The following AGBL1 variants were observed in gnomAD, a reference collection of about 807,000 sequenced individuals.
AGBL1 encodes the protein cytosolic carboxypeptidase 4.
In AGBL1, 130 loss-of-function variants were observed where a neutral mutation model predicts 118.9. The ratio of observed to expected loss-of-function variants is 1.09; its 90% confidence interval spans 0.95 to 1.26. The LOEUF is 1.26. AGBL1 is among the 50% of genes most tolerant of loss of function. AGBL1 has a pLI of 0.00. For synonymous variants in AGBL1, 555 were observed against 478.9 expected (o/e 1.16, Z -2.08); for missense variants, 1,584 against 1,298.1 (o/e 1.22, Z -3.38).
At chr15:86,817,660 C>T (rs2078884261) in intron 22 of AGBL1, among the ~76,000 whole-genome samples, 2 of 151,674 alleles carry the variant, frequency 1.3e-5, no homozygotes, top group Admixed American at 6.6e-5. Context: ...CACACACACA[C>T]ACACACAGAA....
chr15:86,670,312 T>C (rs934714115), intron 21 of AGBL1, among the ~76,000 whole-genome samples: 24 of 151,806 alleles, frequency 1.6e-4, no homozygotes, highest in Non-Finnish European at 2.6e-4. Context: ...TATTATAAGT[T>C]TAAAATAAAG....
At chr15:86,958,333 C>T (rs1479635208) in intron 23 of AGBL1, among the ~76,000 whole-genome samples, 1 of 151,970 alleles carries the variant, frequency 6.6e-6, no homozygotes, top group Non-Finnish European at 1.5e-5. Context: ...ATCGAAATGT[C>T]TCCAGACATT....
At chr15:86,982,154 A>G (rs1425763132) in intron 23 of AGBL1, among the ~76,000 whole-genome samples, 1 of 152,186 alleles carries the variant, frequency 6.6e-6, no homozygotes, top group African/African-American at 2.4e-5. Context: ...GCCCTCAGAA[A>G]GAGTTTCTTA....
intron 22 of AGBL1, among the ~76,000 whole-genome samples, chr15:86,775,987 G>C (rs17642276): frequency 1.4e-4 from 21 of 152,054 alleles, no homozygotes; most frequent in African/African-American, 4.1e-4. Context: ...TTTGCTAGAC[G>C]TAAGTGGGTC....
intron 16 of AGBL1, among the ~76,000 whole-genome samples, chr15:86,290,738 G>A (rs1218087006): frequency 6.6e-6 from 1 of 151,646 alleles, no homozygotes; most frequent in Non-Finnish European, 1.5e-5. Flanking sequence ...CGTGCACAGT[G>A]TGCAGGTTAG....
chr15:86,674,539 GA>G, intron 22 of AGBL1, 103 bp downstream of exon 22: 2 of 1,169,420 alleles, frequency 1.7e-6, no homozygotes, highest in Non-Finnish European at 1.2e-6. Context: ...TTTACACAGA[GA>G]AAATATGGAA....
rs775383913 is a variant in AGBL1 at position 86,914,915 on chromosome 15, C to G, written c.*7621C>G. The G allele has an allele frequency of 6.6e-6, 1 of 152,190 alleles. No homozygotes were observed. The highest frequency in any genetic ancestry group is 6.5e-5 in the Admixed American group (1 of 15,280). The allele number at this position is 152,190 out of a possible 1,614,324, so 9.4% of individuals were successfully genotyped here. A position where few individuals can be genotyped will look rare whatever the true frequency, so the allele number is the denominator to read the frequency against. Reference sequence around the variant, plus strand: ...GGCCATTTCTGCATAACTTCCTGCTCCTTTTCAAACTCAACAGGTTCAAAG... The same window carrying G: ...GGCCATTTCTGCATAACTTCCTGCTGCTTTTCAAACTCAACAGGTTCAAAG... On this transcript the variant is annotated 3_prime_UTR_variant, in exon 23 of 23. Transcript: ENST00000614907.
At chr15:86,094,831 A>T (rs770644223) in intron 1 of AGBL1, among the ~76,000 whole-genome samples, 1 of 152,166 alleles carries the variant, frequency 6.6e-6, no homozygotes, top group Non-Finnish European at 1.5e-5. Context: ...TCTGGATGCC[A>T]CCTGGGTATC....
intron 22 of AGBL1, among the ~76,000 whole-genome samples, chr15:86,688,551 G>A (rs775274856): frequency 2.6e-5 from 4 of 152,152 alleles, no homozygotes; most frequent in Non-Finnish European, 5.9e-5. Flanking sequence ...ATATACGCAA[G>A]TGAGTGTGAT....
At chr15:86,747,372 A>T (rs2077772590) in intron 22 of AGBL1, among the ~76,000 whole-genome samples, 1 of 152,146 alleles carries the variant, frequency 6.6e-6, no homozygotes, top group Non-Finnish European at 1.5e-5. Context: ...AAACTGACAG[A>T]TAAAAATTGA....
At chr15:86,919,927 G>C (rs1215954314), downstream of AGBL1, among the ~76,000 whole-genome samples, 2 of 152,174 alleles carry the variant, frequency 1.3e-5, no homozygotes, top group Admixed American at 1.3e-4. Context: ...TCTGCCATGG[G>C]CCTCAGGAGT....
intron 1 of AGBL1, among the ~76,000 whole-genome samples, chr15:86,121,336 GC>G (rs1399978630): frequency 1.3e-5 from 2 of 152,186 alleles, no homozygotes; most frequent in Middle Eastern, 6.8e-3. Flanking sequence ...ATTTTTCTGT[GC>G]CAAAAATATA....
intron 17 of AGBL1, among the ~76,000 whole-genome samples, chr15:86,379,201 C>A (rs902487928): frequency 6.6e-6 from 1 of 152,068 alleles, no homozygotes; most frequent in Non-Finnish European, 1.5e-5. Flanking sequence ...GCATGAGCCA[C>A]CGTGCCTGGC....
intron 24 of AGBL1, among the ~76,000 whole-genome samples, chr15:87,016,888 G>C (rs886337233): frequency 1.3e-5 from 2 of 152,164 alleles, no homozygotes; most frequent in Non-Finnish European, 2.9e-5. Context: ...CTGATACAGA[G>C]AGCTGTGTGA....
At position 86,286,713 on chromosome 15, in the gene AGBL1, A is replaced by ATG. The variant is rs1401472264; in HGVS notation, c.2220+6942_2220+6943dup. ...TATATATATGTGTGTGTGTATATAT[A>ATG]TGTGTGTGTGTGTTTGTGTGTGTAT... On this transcript the variant is annotated intron_variant, in intron 16 of 22. Coordinates refer to ENST00000614907, the MANE Select transcript of AGBL1 (RefSeq NM_001386094.1). Among the ~76,000 whole-genome samples the ATG allele has an allele frequency of 4.3e-5, 6 of 140,652 alleles. No homozygotes were observed. In the East Asian group the frequency reaches 5.9e-4, roughly 14 times the overall value. 92.3% of individuals were successfully genotyped at this position (140,652 alleles called of 152,430 possible).
chr15:86,416,270 C>A (rs1284982942), intron 18 of AGBL1, among the ~76,000 whole-genome samples: 1 of 151,974 alleles, frequency 6.6e-6, no homozygotes, highest in African/African-American at 2.4e-5. Context: ...ATGGCCTATT[C>A]CAATATAATG....
chr15:86,143,282 G>A (rs1368882535), intron 2 of AGBL1, among the ~76,000 whole-genome samples: 1 of 152,114 alleles, frequency 6.6e-6, no homozygotes, highest in African/African-American at 2.4e-5. Context: ...TTCCAGATTA[G>A]GCCATCATCC....
intron 17 of AGBL1, among the ~76,000 whole-genome samples, chr15:86,374,070 G>C (rs1382009960): frequency 2.0e-5 from 3 of 152,148 alleles, no homozygotes; most frequent in Non-Finnish European, 4.4e-5. Context: ...AGTCCGACTT[G>C]GTTGCATATT....
At chr15:86,413,803 T>C (rs2081654150) in intron 18 of AGBL1, among the ~76,000 whole-genome samples, 3 of 152,136 alleles carry the variant, frequency 2.0e-5, no homozygotes, top group Non-Finnish European at 4.4e-5. Context: ...TTTGCAAATA[T>C]TTTTTCCCAT....
Sources: gnomAD v4.1 joint callset for allele counts (sites outside exome capture counted in the v4.1 genomes callset) on GRCh38, gnomAD v4.1.1 for gene constraint, MANE v1.5 for transcripts, NCBI Gene and HGNC (gene_info 2026-07-23, HGNC 2026-07-21) for gene names.